The following BANP variants were observed in gnomAD, a reference collection of about 807,000 sequenced individuals.
BANP encodes BTG3 associated nuclear protein.
BANP carries 11 observed loss-of-function variants against 68.1 expected under a neutral mutation model. The ratio of observed to expected loss-of-function variants is 0.16; its 90% CI spans 0.10 to 0.27. The LOEUF (loss-of-function observed/expected upper bound fraction) is 0.27, where lower values mean the gene tolerates loss of function less well. BANP is among the 10% of genes least tolerant of loss of function. BANP has a pLI of 1.00. For synonymous variants in BANP, 329 were observed against 303.2 expected, an observed-to-expected ratio of 1.09 and a Z score of -0.88; for missense variants, 504 against 722.7, an observed-to-expected ratio of 0.70 and a Z score of 3.47.
At chr16:88,026,918 C>G (rs553930964) in intron 7 of BANP, among the ~76,000 whole-genome samples, 50 of 152,324 alleles carry the variant, frequency 3.3e-4, no homozygotes, top group African/African-American at 1.2e-3. Flanking sequence ...GTGGTCAGTG[C>G]TCTGACAAAA....
At chr16:88,052,239 C>T (rs775607544) in intron 11 of BANP, among the ~76,000 whole-genome samples, 4 of 152,282 alleles carry the variant, frequency 2.6e-5, no homozygotes, top group South Asian at 4.1e-4. Context: ...CTGGCATATC[C>T]ACGTCATCCT....
At chr16:88,012,194 G>A (rs562629596) in intron 6 of BANP, among the ~76,000 whole-genome samples, 34 of 152,344 alleles carry the variant, frequency 2.2e-4, no homozygotes, top group African/African-American at 6.5e-4. Flanking sequence ...ATTTTGAGCC[G>A]TGATGTGTGT....
At chr16:87,961,680 T>C (rs924075519) in intron 1 of BANP, among the ~76,000 whole-genome samples, 1 of 152,224 alleles carries the variant, frequency 6.6e-6, no homozygotes, top group Non-Finnish European at 1.5e-5. Context: ...GTACCATGAA[T>C]GTTTGTCCCC....
chr16:88,005,417 T>A (rs1014010119), intron 5 of BANP, among the ~76,000 whole-genome samples: 4 of 152,342 alleles, frequency 2.6e-5, no homozygotes, highest in Non-Finnish European at 5.9e-5. Flanking sequence ...TGCTGGTGCG[T>A]AGCAGTCCAC....
At chr16:87,961,783 C>T (rs1421675304) in intron 1 of BANP, among the ~76,000 whole-genome samples, 2 of 152,112 alleles carry the variant, frequency 1.3e-5, no homozygotes, top group African/African-American at 4.8e-5. Flanking sequence ...GCGTTCAGTG[C>T]ATTTATAGAC....
At chr16:88,050,681 G>GT (rs1468442334) in intron 11 of BANP, among the ~76,000 whole-genome samples, 1 of 151,962 alleles carries the variant, frequency 6.6e-6, no homozygotes, top group African/African-American at 2.4e-5. Context: ...TGTATTGGCT[G>GT]TTTTTTCATT....
chr16:88,029,488 G>A (rs1310916147), intron 8 of BANP, among the ~76,000 whole-genome samples: 3 of 150,464 alleles, frequency 2.0e-5, no homozygotes, highest in Admixed American at 2.0e-4. Context: ...GCTGGCGCCT[G>A]TAGTCCCAGC....
intron 6 of BANP, among the ~76,000 whole-genome samples, chr16:88,011,606 T>C (rs1159088302): frequency 6.6e-6 from 1 of 152,162 alleles, no homozygotes; most frequent in African/African-American, 2.4e-5. Context: ...AAGAAAATGG[T>C]AGTGTTTAGT....
At chr16:87,966,602 G>A (rs1178300142) in intron 1 of BANP, 1 of 152,226 alleles carries the variant, frequency 6.6e-6, no homozygotes, top group African/African-American at 2.4e-5. Context: ...ATTTGGAAGA[G>A]GTTAGGATTC....
At chr16:88,053,113 ACCT>A (rs2083703428) in intron 11 of BANP, among the ~76,000 whole-genome samples, 3 of 151,582 alleles carry the variant, frequency 2.0e-5, no homozygotes, top group Admixed American at 6.6e-5. Flanking sequence ...TACCACCCCC[ACCT>A]CCACCACTGT....
At chr16:88,025,343 C>G (rs1296701176) in intron 7 of BANP, among the ~76,000 whole-genome samples, 3 of 152,240 alleles carry the variant, frequency 2.0e-5, no homozygotes, top group Non-Finnish European at 4.4e-5. Context: ...CGGCTGGGTT[C>G]CTCTGTGAGT....
At chr16:88,033,851 C>T (rs1326205333) in intron 9 of BANP, among the ~76,000 whole-genome samples, 4 of 152,284 alleles carry the variant, frequency 2.6e-5, no homozygotes, top group South Asian at 2.1e-4. Flanking sequence ...GGTGAAGTCC[C>T]TCTACAAACA....
In BANP at chr16:88,031,215, C is replaced by A. The variant is rs144081040; in HGVS notation, c.1064-1894C>A. Among the ~76,000 whole-genome samples the A allele has an allele frequency of 4.4e-3, 655 of 148,726 alleles. 3 individuals carry two copies. The highest frequency in any genetic ancestry group is 0.012 in the African/African-American group (479 of 40,324). On this transcript the variant is annotated intron_variant, in intron 8 of 13. Transcript: ENST00000682872. The stretch of plus-strand genomic sequence containing the variant: ...ATCACTGGAGGTGCTCAGGTGGAGT[C>A]AGGGTCTTTGGCTGGAGCCGAGCTC...
intron 12 of BANP, among the ~76,000 whole-genome samples, chr16:88,069,323 G>A (rs2089685362): frequency 6.6e-6 from 1 of 152,090 alleles, no homozygotes; most frequent in Non-Finnish European, 1.5e-5. Flanking sequence ...CTTTTCCACT[G>A]ACAAATTCAT....
chr16:88,041,685 C>A (rs1277009215), intron 11 of BANP, among the ~76,000 whole-genome samples: 1 of 3,064 alleles, frequency 3.3e-4, no homozygotes, highest in Non-Finnish European at 0.014. Flanking sequence ...ACGACACCCG[C>A]ATCCTCTGGT....
At chr16:87,973,433 G>C (rs2061466465) in intron 1 of BANP, among the ~76,000 whole-genome samples, 1 of 152,104 alleles carries the variant, frequency 6.6e-6, no homozygotes, top group South Asian at 2.1e-4. Context: ...ACAGCACTTG[G>C]CTCCTTCTTC....
At chr16:87,951,829 C>T (rs1291636113) in intron 1 of BANP, among the ~76,000 whole-genome samples, 1 of 152,098 alleles carries the variant, frequency 6.6e-6, no homozygotes, top group Admixed American at 6.6e-5. Flanking sequence ...TCCCGGGCCT[C>T]GCCCCGCGGG....
At chr16:88,072,890 T>C (rs1032738929) in intron 13 of BANP, among the ~76,000 whole-genome samples, 2 of 152,224 alleles carry the variant, frequency 1.3e-5, no homozygotes, top group Non-Finnish European at 2.9e-5. Context: ...AGCGGGGACG[T>C]TGTCCTTGTT....
chr16:88,012,016 G>C (rs74040258), intron 6 of BANP, among the ~76,000 whole-genome samples: 36,533 of 152,184 alleles, frequency 0.24, 4,913 homozygotes, highest in East Asian at 0.49. Flanking sequence ...TAGTCCCCAG[G>C]ATCCTGGCAT....
Sources: gnomAD v4.1 joint callset for allele counts (sites outside exome capture counted in the v4.1 genomes callset) on GRCh38, gnomAD v4.1.1 for gene constraint, MANE v1.5 for transcripts, NCBI Gene and HGNC (gene_info 2026-07-23, HGNC 2026-07-21) for gene names.